The following PID1 variants were observed in gnomAD, a reference collection of about 807,000 sequenced individuals.
PID1 encodes phosphotyrosine interaction domain containing 1.
Under a neutral mutation model 19.1 loss-of-function variants are expected in PID1, and 10 were observed. The ratio of observed to expected loss-of-function variants is 0.52; its 90% CI spans 0.32 to 0.89. PID1 has a LOEUF of 0.89. PID1 is among the 40% of genes least tolerant of loss of function. PID1 has a pLI of 0.03. For synonymous variants in PID1, 130 were observed against 116.0 expected (o/e 1.12, Z -0.78); for missense variants, 248 against 285.3 (o/e 0.87, Z 0.94).
rs117069020 is a variant in PID1 at position 229,046,086 on chromosome 2, G to A, written c.178-19978C>T. On this transcript the variant is annotated intron_variant, in intron 2 of 2. Transcript: ENST00000392055. ...TGAAGGAAAAAATGGCTTTTGCAGCGTCTCACATATTCCATCAACGAACCC... is the reference window on the plus strand; with the variant it reads ...TGAAGGAAAAAATGGCTTTTGCAGCATCTCACATATTCCATCAACGAACCC... Among the ~76,000 whole-genome samples the A allele has an allele frequency of 5.7e-4, 87 of 152,138 alleles. 2 individuals are homozygous for A. In the East Asian group the frequency reaches 0.013, roughly 23 times the overall value.
Position 229,029,462 on chromosome 2 carries a change from A to T in PID1, c.178-3354T>A, listed in dbSNP as rs546893093. On this transcript the variant is annotated intron_variant, in intron 2 of 2. Transcript: ENST00000392055. ...CAAGTGTTGGCAAGGATGAAGAAAA[A>T]TTGGAATTCATGTATCCTGTCGGTG... Among the ~76,000 whole-genome samples, 18 of 152,278 alleles carry T rather than the reference A, an allele frequency of 1.2e-4. No homozygotes were observed. The South Asian group carries it at 3.5e-3, about 30-fold the overall frequency.
chr2:229,105,483 C>A (rs1010753732), intron 2 of PID1, among the ~76,000 whole-genome samples: 3 of 152,168 alleles, frequency 2.0e-5, no homozygotes, highest in Admixed American at 1.3e-4. Context: ...TTTTAAAGTT[C>A]TTTGTAAATG....
intron 2 of PID1, among the ~76,000 whole-genome samples, chr2:229,101,535 T>C (rs1039787671): frequency 1.3e-5 from 2 of 152,178 alleles, no homozygotes; most frequent in Non-Finnish European, 2.9e-5. Context: ...ACTCTAACTA[T>C]GGGCCAAATG....
intron 2 of PID1, among the ~76,000 whole-genome samples, chr2:229,141,265 T>A (rs1348456608): frequency 1.3e-5 from 2 of 152,112 alleles, no homozygotes. Context: ...AAGCTCCCTT[T>A]CCCTGGAGCT....
chr2:229,087,990 C>T (rs1694802698), intron 2 of PID1, among the ~76,000 whole-genome samples: 1 of 152,122 alleles, frequency 6.6e-6, no homozygotes, highest in Admixed American at 6.6e-5. Context: ...CACACAAACA[C>T]CTGCACTCTG....
intron 2 of PID1, among the ~76,000 whole-genome samples, chr2:229,111,737 C>T (rs572775865): frequency 6.6e-6 from 1 of 152,170 alleles, no homozygotes; most frequent in Non-Finnish European, 1.5e-5. Context: ...TACTTTTAAG[C>T]CTTTTAATAA....
At chr2:229,148,580 CT>C (rs1361329916) in intron 2 of PID1, among the ~76,000 whole-genome samples, 1 of 152,054 alleles carries the variant, frequency 6.6e-6, no homozygotes, top group Non-Finnish European at 1.5e-5. Flanking sequence ...GTCCTTGGTC[CT>C]TAAATATCAG....
At chr2:229,230,465 C>A (rs1051157880) in intron 1 of PID1, among the ~76,000 whole-genome samples, 2 of 152,212 alleles carry the variant, frequency 1.3e-5, no homozygotes, top group African/African-American at 4.8e-5. Context: ...CCACTCAGAT[C>A]CAAAGCTTGT....
At chr2:229,113,505 TATAC>T (rs1376826380) in intron 2 of PID1, among the ~76,000 whole-genome samples, 1 of 76,446 alleles carries the variant, frequency 1.3e-5, no homozygotes, top group Non-Finnish European at 2.7e-5. Context: ...TGTGTGTGTG[TATAC>T]ATATATATAT....
chr2:229,121,612 G>A (rs2106158735), intron 2 of PID1, among the ~76,000 whole-genome samples: 1 of 152,274 alleles, frequency 6.6e-6, no homozygotes, highest in East Asian at 1.9e-4. Context: ...GCTGGGTAAT[G>A]ACTAACTACT....
chr2:229,109,643 G>A (rs1695255555), intron 2 of PID1, among the ~76,000 whole-genome samples: 1 of 152,186 alleles, frequency 6.6e-6, no homozygotes, highest in Admixed American at 6.5e-5. Context: ...TCATAAACAG[G>A]AAACTGAGAT....
At chr2:229,085,914 T>A (rs940422480) in intron 2 of PID1, among the ~76,000 whole-genome samples, 2 of 152,072 alleles carry the variant, frequency 1.3e-5, no homozygotes, top group African/African-American at 4.8e-5. Context: ...TGAGGGGAAA[T>A]CTGTCTATTA....
chr2:229,133,089 T>A (rs1689778628), intron 2 of PID1, among the ~76,000 whole-genome samples: 1 of 152,224 alleles, frequency 6.6e-6, no homozygotes, highest in Admixed American at 6.5e-5. Context: ...GAGACGGATT[T>A]ATTTTGATTG....
chr2:229,060,381 T>A (rs1035047948), intron 2 of PID1, among the ~76,000 whole-genome samples: 1 of 152,156 alleles, frequency 6.6e-6, no homozygotes, highest in African/African-American at 2.4e-5. Context: ...TTTGTCTTTC[T>A]GGGCCTAGCA....
At chr2:229,064,570 G>A (rs1694280295) in intron 2 of PID1, among the ~76,000 whole-genome samples, 2 of 152,040 alleles carry the variant, frequency 1.3e-5, no homozygotes, top group African/African-American at 4.8e-5. Flanking sequence ...ATAAGTAATT[G>A]TCCCAAGAAT....
At chr2:229,231,705 C>A (rs948939572) in intron 1 of PID1, among the ~76,000 whole-genome samples, 2 of 152,132 alleles carry the variant, frequency 1.3e-5, no homozygotes. Context: ...CTCAGCTATG[C>A]TGGAGTTCCC....
chr2:229,231,791 T>A (rs1574743147), intron 1 of PID1: 2 of 1,389,382 alleles, frequency 1.4e-6, no homozygotes, highest in Admixed American at 4.3e-5. Context: ...ATAGTCCAGA[T>A]GTGTGATGGC....
At chr2:229,134,419 T>C (rs1689815963) in intron 2 of PID1, among the ~76,000 whole-genome samples, 1 of 151,410 alleles carries the variant, frequency 6.6e-6, no homozygotes, top group African/African-American at 2.4e-5. Flanking sequence ...TTTTTTTGTA[T>C]TTTTAGTAGA....
chr2:229,113,421 TAC>T (rs1553563356), intron 2 of PID1, among the ~76,000 whole-genome samples: 1 of 126,814 alleles, frequency 7.9e-6, no homozygotes, highest in Non-Finnish European at 1.7e-5. Flanking sequence ...TATATATATA[TAC>T]ACACACATAC....
Sources: allele counts gnomAD v4.1 joint callset (sites outside exome capture counted in the v4.1 genomes callset), GRCh38; gene constraint gnomAD v4.1.1; transcripts MANE v1.5; gene names NCBI Gene and HGNC (gene_info 2026-07-23, HGNC 2026-07-21).